The following ZCWPW2 variants were observed in gnomAD, a reference collection of about 807,000 sequenced individuals.
ZCWPW2 encodes the protein zinc finger CW-type and PWWP domain containing 2, also known as zinc finger CW-type PWWP domain protein 2.
Under a neutral mutation model 46.6 loss-of-function variants are expected in ZCWPW2, and 45 were observed. The observed-to-expected ratio is 0.96, with a 90% confidence interval of 0.76 to 1.24. The LOEUF is 1.24. ZCWPW2 is among the 50% of genes most tolerant of loss of function. The pLI, the probability that ZCWPW2 is intolerant of heterozygous loss-of-function variation, is 0.00. For missense variants in ZCWPW2, 429 were observed against 403.9 expected (o/e 1.06, Z -0.53); for synonymous variants, 152 against 137.1 (o/e 1.11, Z -0.76).
intron 1 of ZCWPW2, among the ~76,000 whole-genome samples, chr3:28,383,232 T>C (rs1304315762): frequency 2.0e-5 from 3 of 152,142 alleles, no homozygotes; most frequent in Non-Finnish European, 4.4e-5. Context: ...GGCAAATGTT[T>C]AGGATGAAAG....
At chr3:28,481,221 G>T (rs1007800531) in intron 5 of ZCWPW2, among the ~76,000 whole-genome samples, 1 of 151,826 alleles carries the variant, frequency 6.6e-6, no homozygotes, top group African/African-American at 2.4e-5. Flanking sequence ...AAAAGGAAAT[G>T]ATTGCCACAT....
chr3:28,425,044 G>C (rs1174903632), intron 3 of ZCWPW2, among the ~76,000 whole-genome samples: 3 of 152,020 alleles, frequency 2.0e-5, no homozygotes. Context: ...TGATTTTTTT[G>C]TCACTATGTC....
intron 6 of ZCWPW2, among the ~76,000 whole-genome samples, chr3:28,492,903 C>A (rs1403988842): frequency 3.3e-5 from 5 of 151,924 alleles, no homozygotes; most frequent in Non-Finnish European, 7.4e-5. Flanking sequence ...AGTGGTGAGG[C>A]AGAGCAGATC....
intron 4 of ZCWPW2, among the ~76,000 whole-genome samples, chr3:28,437,060 C>T (rs545452354): frequency 1.3e-5 from 2 of 152,242 alleles, no homozygotes; most frequent in East Asian, 1.9e-4. Context: ...TATACTGCAC[C>T]ACATTGATCT....
At chr3:28,386,661 T>C (rs1695284286) in intron 1 of ZCWPW2, among the ~76,000 whole-genome samples, 1 of 152,182 alleles carries the variant, frequency 6.6e-6, no homozygotes, top group Admixed American at 6.5e-5. Flanking sequence ...TTGTATTGAT[T>C]CTTTTAAAAA....
chr3:28,479,018 CTCTA>C (rs1249554574), intron 5 of ZCWPW2, 87 bp downstream of exon 5: 19 of 828,298 alleles, frequency 2.3e-5, no homozygotes, highest in African/African-American at 7.2e-5. Context: ...ATTCAAAAAT[CTCTA>C]TCTCTTTCTC....
intron 6 of ZCWPW2, chr3:28,511,034 C>T (rs753333398): frequency 1.3e-5 from 6 of 455,504 alleles, no homozygotes; most frequent in South Asian, 4.7e-5. Context: ...TGAGAGTCAA[C>T]GCTAAGAATC....
intron 6 of ZCWPW2, among the ~76,000 whole-genome samples, chr3:28,497,991 T>G (rs1171172796): frequency 6.6e-6 from 1 of 152,042 alleles, no homozygotes. Context: ...CCCTTCCTAC[T>G]CTAATATCCC....
At chr3:28,466,273 A>T (rs1283643675) in intron 4 of ZCWPW2, among the ~76,000 whole-genome samples, 1 of 152,194 alleles carries the variant, frequency 6.6e-6, no homozygotes, top group Non-Finnish European at 1.5e-5. Context: ...TCTGTACACC[A>T]AACCCACATA....
intron 4 of ZCWPW2, among the ~76,000 whole-genome samples, chr3:28,450,335 C>T (rs1055750622): frequency 1.3e-5 from 2 of 152,114 alleles, no homozygotes; most frequent in Non-Finnish European, 2.9e-5. Context: ...CATGTCTAAC[C>T]CAATAGTAAT....
chr3:28,481,306 C>T (rs893974093), intron 5 of ZCWPW2, among the ~76,000 whole-genome samples: 9 of 152,082 alleles, frequency 5.9e-5, no homozygotes, highest in African/African-American at 1.9e-4. Context: ...TGCAGTGGCG[C>T]GATCTTGGCT....
intron 4 of ZCWPW2, among the ~76,000 whole-genome samples, chr3:28,454,509 C>T (rs1236990768): frequency 1.3e-5 from 2 of 152,096 alleles, no homozygotes; most frequent in African/African-American, 2.4e-5. Context: ...CAGGGGTACA[C>T]GTGTAGGATG....
At chr3:28,507,875 A>G (rs565977543) in intron 6 of ZCWPW2, among the ~76,000 whole-genome samples, 51 of 152,236 alleles carry the variant, frequency 3.4e-4, no homozygotes, top group Non-Finnish European at 3.7e-4. Context: ...TAAGAGAGGT[A>G]AAAAAACCCT....
At chr3:28,357,793 TA>T (rs1704797291) in intron 1 of ZCWPW2, among the ~76,000 whole-genome samples, 1 of 141,428 alleles carries the variant, frequency 7.1e-6, no homozygotes, top group Non-Finnish European at 1.5e-5. Flanking sequence ...ATAGTTGGTA[TA>T]TTTTATATAT....
At chr3:28,448,666 T>C (rs1488774640) in intron 4 of ZCWPW2, among the ~76,000 whole-genome samples, 1 of 151,350 alleles carries the variant, frequency 6.6e-6, no homozygotes, top group Non-Finnish European at 1.5e-5. Flanking sequence ...ATGCCTATAA[T>C]ACGAGCTACC....
intron 8 of ZCWPW2, among the ~76,000 whole-genome samples, chr3:28,516,650 C>T (rs1700581642): frequency 6.6e-6 from 1 of 152,252 alleles, no homozygotes; most frequent in South Asian, 2.1e-4. Flanking sequence ...TGAAGCCACT[C>T]CCAGGGGATC....
In ZCWPW2 at chr3:28,413,209, G is replaced by C. The variant is rs754646101; in HGVS notation, c.141G>C (p.Glu47Asp). ...NCLKWRLLSS[E>D]DSAKVDHDEP... The stretch of plus-strand genomic sequence containing the variant: ...TGAAATGGAGATTGTTATCAAGTGA[G>C]GATTCAGCCAAGGTTGATCATGATG... Residue 47 changes from glutamate to aspartate, a missense_variant, in exon 3 of 10, where the codon GAG becomes GAC. Transcript: ENST00000383768. 6.2e-7 allele frequency: 1 copy of C among 1,613,372 alleles called. No homozygotes were observed. Among genetic ancestry groups the C allele is most frequent in the South Asian group, 1.1e-5 (1 of 91,068 alleles).
chr3:28,469,475 C>T (rs1221318431), intron 4 of ZCWPW2, among the ~76,000 whole-genome samples: 1 of 151,928 alleles, frequency 6.6e-6, no homozygotes, highest in Non-Finnish European at 1.5e-5. Context: ...TTACAAGAAA[C>T]ATACTTCACT....
chr3:28,360,349 CAAAAAA>C (rs71087692), intron 1 of ZCWPW2, among the ~76,000 whole-genome samples: 66 of 53,920 alleles, frequency 1.2e-3, no homozygotes, highest in African/African-American at 4.3e-3. Flanking sequence ...ACTAAAAATA[CAAAAAA>C]AAAAAAAAAA....
Sources: allele counts gnomAD v4.1 joint callset (sites outside exome capture counted in the v4.1 genomes callset), GRCh38; gene constraint gnomAD v4.1.1; transcripts MANE v1.5; gene names NCBI Gene and HGNC (gene_info 2026-07-23, HGNC 2026-07-21).